The following CCDC12 variants were observed in gnomAD, a reference collection of about 807,000 sequenced individuals.
The protein encoded by CCDC12 is coiled-coil domain containing 12.
CCDC12 carries 28 observed loss-of-function variants against 25.7 expected under a neutral mutation model. The ratio of observed to expected loss-of-function variants is 1.09; its 90% CI spans 0.81 to 1.50. The LOEUF is 1.50. Among genes scored for constraint, CCDC12 ranks in the 40% most tolerant of loss-of-function variants. CCDC12 has a pLI of 0.00. For missense variants in CCDC12, 198 were observed against 210.0 expected, an observed-to-expected ratio of 0.94 and a Z score of 0.35; for synonymous variants, 75 against 87.7, an observed-to-expected ratio of 0.86 and a Z score of 0.81.
At chr3:46,958,556 T>C (rs776691875) in intron 1 of CCDC12, among the ~76,000 whole-genome samples, 5 of 152,174 alleles carry the variant, frequency 3.3e-5, no homozygotes, top group Non-Finnish European at 5.9e-5. Flanking sequence ...GCCAAGGGAA[T>C]AAGCAGCCCG....
intron 1 of CCDC12, among the ~76,000 whole-genome samples, chr3:46,962,812 C>A (rs965568590): frequency 2.6e-5 from 4 of 152,160 alleles, no homozygotes; most frequent in African/African-American, 9.7e-5. Context: ...AAGTGTTTGA[C>A]AGTATCTGTC....
At chr3:46,923,520 G>T in intron 4 of CCDC12, 87 bp downstream of exon 4, 2 of 1,477,992 alleles carry the variant, frequency 1.4e-6, no homozygotes, top group Non-Finnish European at 1.9e-6. Flanking sequence ...GTGACGAGAA[G>T]GAATGGGGGG....
At chr3:46,972,483 G>C (rs1271617329) in intron 1 of CCDC12, among the ~76,000 whole-genome samples, 1 of 152,048 alleles carries the variant, frequency 6.6e-6, no homozygotes, top group Admixed American at 6.6e-5. Context: ...TGGGCAAAAG[G>C]AATCTGGATA....
intron 2 of CCDC12, among the ~76,000 whole-genome samples, chr3:46,938,652 A>C (rs1387128614): frequency 2.0e-5 from 3 of 149,710 alleles, no homozygotes; most frequent in Non-Finnish European, 4.4e-5. Context: ...GGAGTTTGAG[A>C]CCAGCCTGGG....
At chr3:46,955,163 C>T (rs1316402129) in intron 1 of CCDC12, among the ~76,000 whole-genome samples, 1 of 152,160 alleles carries the variant, frequency 6.6e-6, no homozygotes, top group Non-Finnish European at 1.5e-5. Context: ...AGCATCGCCA[C>T]AGCCTGCACT....
chr3:46,933,914 T>C (rs1028655176), intron 2 of CCDC12, among the ~76,000 whole-genome samples: 2 of 134,290 alleles, frequency 1.5e-5, no homozygotes, highest in Non-Finnish European at 3.2e-5. Flanking sequence ...TTTATGTAAA[T>C]ATCAATTGAA....
upstream of CCDC12, among the ~76,000 whole-genome samples, chr3:46,977,251 G>A (rs1020328944): frequency 6.6e-6 from 1 of 152,144 alleles, no homozygotes; most frequent in Non-Finnish European, 1.5e-5. Flanking sequence ...GAGGAGGGCG[G>A]ACCACGAGGT....
chr3:46,942,946 T>C (rs2033766666), intron 1 of CCDC12, among the ~76,000 whole-genome samples: 2 of 151,966 alleles, frequency 1.3e-5, no homozygotes, highest in East Asian at 1.9e-4. Flanking sequence ...CTGAAGAGCA[T>C]GCAGGTGACT....
intron 2 of CCDC12, among the ~76,000 whole-genome samples, chr3:46,936,467 C>T (rs1325085057): frequency 6.6e-6 from 1 of 152,230 alleles, no homozygotes; most frequent in South Asian, 2.1e-4. Context: ...ACAGGTATGG[C>T]ATTTGCTCTG....
chr3:46,926,623 C>T (rs752330806), intron 2 of CCDC12, among the ~76,000 whole-genome samples: 2 of 152,174 alleles, frequency 1.3e-5, no homozygotes, highest in Middle Eastern at 3.2e-3. Flanking sequence ...CCTGGTAACT[C>T]CACAGGGCGG....
At position 46,953,679 on chromosome 3, in the gene CCDC12, T is replaced by C. The variant is rs144870251; in HGVS notation, c.97-12614A>G. Among the ~76,000 whole-genome samples, 617 of 150,258 alleles carry C rather than the reference T, an allele frequency of 4.1e-3. 3 individuals carry two copies. Among genetic ancestry groups the C allele is most frequent in the African/African-American group, 0.014 (593 of 40,956 alleles). ...AAAAAAAAAAAAAGTCCAGCTTTGC[T>C]GGTGCAGAAGAGGACAGGTTGAGCC... On this transcript the variant is annotated intron_variant, in intron 1 of 6. Transcript: ENST00000683445.
At chr3:46,925,282 C>G in intron 3 of CCDC12, 174 bp downstream of exon 3, 1 of 714,742 alleles carries the variant, frequency 1.4e-6, no homozygotes, top group South Asian at 1.5e-5. Context: ...ACAGCCTCTG[C>G]TGCTGCCGAA....
At chr3:46,944,114 A>G (rs1256521274) in intron 1 of CCDC12, among the ~76,000 whole-genome samples, 1 of 152,192 alleles carries the variant, frequency 6.6e-6, no homozygotes, top group Non-Finnish European at 1.5e-5. Flanking sequence ...TCAGACCTGG[A>G]GGGCTCGCAG....
intron 1 of CCDC12, among the ~76,000 whole-genome samples, chr3:46,967,565 G>A (rs1177340535): frequency 6.6e-6 from 1 of 152,068 alleles, no homozygotes; most frequent in East Asian, 1.9e-4. Context: ...TCCCAGCCTG[G>A]GCAGCTGCAC....
At chr3:46,964,424 A>G (rs1215140055) in intron 1 of CCDC12, among the ~76,000 whole-genome samples, 4 of 150,994 alleles carry the variant, frequency 2.6e-5, no homozygotes, top group Non-Finnish European at 5.9e-5. Context: ...GAGCCCCTCT[A>G]CCCGGCCACC....
At chr3:46,945,745 C>T (rs2033878304) in intron 1 of CCDC12, among the ~76,000 whole-genome samples, 2 of 152,202 alleles carry the variant, frequency 1.3e-5, no homozygotes, top group South Asian at 4.1e-4. Flanking sequence ...TTATGTCTTT[C>T]AAGATGTCTG....
At position 46,976,696 on chromosome 3, in the gene CCDC12, C is replaced by T. The variant is rs1451341172; in HGVS notation, c.37G>A (p.Glu13Lys). The change falls in exon 1 of 7, where the codon GAA becomes AAA. Residue 13 changes from glutamate (E) to lysine (K), a missense_variant. By Grantham distance (56) the Glu-to-Lys change is moderately conservative. Coordinates refer to ENST00000683445, the MANE Select transcript of CCDC12 (RefSeq NM_001277074.2). ...CGTTCCTTTCGCCGCAACGCCTCTT[C>T]CTCTAGCCGGCCCACACCAGCCGTA... is the stretch of plus-strand genomic sequence containing the variant. ...ATTAGVGRLE[E>K]EALRRKERLK... 1.9e-6 allele frequency: 3 copies of T among 1,606,172 alleles called. No individual in the cohort carries two copies. Among genetic ancestry groups the T allele is most frequent in the South Asian group, 1.1e-5 (1 of 89,842 alleles).
intron 2 of CCDC12, among the ~76,000 whole-genome samples, chr3:46,926,810 CAGA>C (rs1369257344): frequency 6.6e-6 from 1 of 152,182 alleles, no homozygotes; most frequent in Non-Finnish European, 1.5e-5. Context: ...AGTGGTCCCT[CAGA>C]AAAGTCCTGG....
chr3:46,950,139 C>T (rs995912798), intron 1 of CCDC12, among the ~76,000 whole-genome samples: 4 of 152,126 alleles, frequency 2.6e-5, no homozygotes, highest in Non-Finnish European at 5.9e-5. Context: ...CTTGCTGCAT[C>T]CCTCTTAGGG....
Sources: allele counts gnomAD v4.1 joint callset (sites outside exome capture counted in the v4.1 genomes callset), GRCh38; gene constraint gnomAD v4.1.1; transcripts MANE v1.5; gene names NCBI Gene and HGNC (gene_info 2026-07-23, HGNC 2026-07-21).